Variants in PLCG2 observed in about 807,000 individuals in gnomAD.
PLCG2 encodes the protein phospholipase C gamma 2.
A neutral mutation model predicts 175.6 loss-of-function variants in PLCG2; 69 were observed. The observed-to-expected ratio is 0.39, with a 90% CI of 0.32 to 0.48. PLCG2 has a LOEUF of 0.48. Ranked by LOEUF, PLCG2 falls within the 20% of genes least tolerant of loss-of-function variation. The pLI, the probability that PLCG2 is intolerant of heterozygous loss-of-function variation, is 0.91. For missense variants in PLCG2, 1,798 were observed against 1,650.9 expected (o/e 1.09, Z -1.54); for synonymous variants, 827 against 624.0 (o/e 1.33, Z -4.85).
At chr16:81,927,990 G>C (rs1055514591) in intron 23 of PLCG2, among the ~76,000 whole-genome samples, 1 of 150,252 alleles carries the variant, frequency 6.7e-6, no homozygotes, top group East Asian at 2.0e-4. Context: ...GTGGGGTTTG[G>C]GGTGGTGCAG....
chr16:81,932,144 A>G (rs554703658), intron 25 of PLCG2, among the ~76,000 whole-genome samples: 2 of 152,202 alleles, frequency 1.3e-5, no homozygotes, highest in Admixed American at 6.5e-5. Flanking sequence ...TGACCTTTTC[A>G]GGGCTGTCCT....
chr16:81,835,621 TG>T lies in PLCG2; in HGVS notation c.194-18822del, dbSNP rs569472933. Among the ~76,000 whole-genome samples, 590 of 151,902 alleles carry T rather than the reference TG, an allele frequency of 3.9e-3. 3 individuals are homozygous for T. The highest frequency in any genetic ancestry group is 6.6e-3 in the Non-Finnish European group (451 of 67,958). ...TAATCATAATAATAATGATAATAAT[TG>T]AAGATAATAGGAAAACCATGTTATT... On this transcript the variant is annotated intron_variant, in intron 2 of 32. Coordinates refer to ENST00000564138, the MANE Select transcript of PLCG2 (RefSeq NM_002661.5).
At chr16:81,819,380 C>T (rs187327147) in intron 2 of PLCG2, among the ~76,000 whole-genome samples, 2 of 152,190 alleles carry the variant, frequency 1.3e-5, no homozygotes, top group East Asian at 1.9e-4. Context: ...CCCTGTGAGG[C>T]GAGGGAGCTC....
At chr16:81,774,533 C>T (rs1049332175), upstream of PLCG2, among the ~76,000 whole-genome samples, 2 of 152,044 alleles carry the variant, frequency 1.3e-5, no homozygotes, top group East Asian at 1.9e-4. Context: ...CTCGTCGCCA[C>T]GGATGTGTGC....
At chr16:81,839,752 A>G (rs1905721234) in intron 2 of PLCG2, among the ~76,000 whole-genome samples, 2 of 152,240 alleles carry the variant, frequency 1.3e-5, no homozygotes, top group Admixed American at 1.3e-4. Context: ...AAATGGCACC[A>G]AAATGATGAA....
intron 9 of PLCG2, 73 bp from the exon 10 acceptor site, chr16:81,889,099 G>C (rs1346219279): frequency 9.9e-6 from 9 of 910,316 alleles, no homozygotes; most frequent in Non-Finnish European, 1.4e-5. Flanking sequence ...ATTGCGACTG[G>C]ATGGACCCTG....
intron 2 of PLCG2, chr16:81,766,785 C>G (rs1351264155): frequency 6.6e-6 from 1 of 152,220 alleles, no homozygotes; most frequent in Non-Finnish European, 1.5e-5. Context: ...TGACAGATGT[C>G]TCAGCCAAGA....
chr16:81,765,289 A>G (rs1472818812), intron 2 of PLCG2, among the ~76,000 whole-genome samples: 1 of 152,240 alleles, frequency 6.6e-6, no homozygotes, highest in Non-Finnish European at 1.5e-5. Context: ...AACCACCCAA[A>G]GCTTGGAGAG....
At chr16:81,849,110 G>A (rs1906268166) in intron 2 of PLCG2, among the ~76,000 whole-genome samples, 1 of 152,140 alleles carries the variant, frequency 6.6e-6, no homozygotes, top group Non-Finnish European at 1.5e-5. Flanking sequence ...GGTTGGAGGG[G>A]TCATCACAGG....
chr16:81,869,265 G>A lies in PLCG2; in HGVS notation c.531G>A (p.Val177=). ...TCTTGCCCCTGATCAACTTTAAAGT[G>A]AGCAGTGCCAAGTTCCTTAAAGATA... ...KTILPLINFK[V]SSAKFLKDKF... Residue 177 remains valine, a synonymous_variant, in exon 6 of 33, where the codon GTG becomes GTA. Transcript: ENST00000564138. 1 of 1,613,914 alleles carries A rather than the reference G, an allele frequency of 6.2e-7. No individual in the cohort carries two copies. Among genetic ancestry groups the A allele is most frequent in the Non-Finnish European group, 8.5e-7 (1 of 1,179,774 alleles).
At chr16:81,876,206 G>A (rs570062206) in intron 7 of PLCG2, among the ~76,000 whole-genome samples, 50 of 151,730 alleles carry the variant, frequency 3.3e-4, no homozygotes, top group Non-Finnish European at 5.0e-4. Context: ...TGTATTTTTT[G>A]TAGAGACAGT....
At chr16:81,881,386 A>G (rs1908073247) in intron 8 of PLCG2, among the ~76,000 whole-genome samples, 1 of 152,256 alleles carries the variant, frequency 6.6e-6, no homozygotes, top group Non-Finnish European at 1.5e-5. Flanking sequence ...AGGGGCTGAT[A>G]GATAGTAATA....
intron 2 of PLCG2, among the ~76,000 whole-genome samples, chr16:81,835,600 C>T (rs200278332): frequency 1.4e-5 from 2 of 147,162 alleles, no homozygotes; most frequent in Admixed American, 1.4e-4. Flanking sequence ...TAATAATAAT[C>T]ATAATAATAA....
chr16:81,905,388 A>G lies in PLCG2; in HGVS notation c.1363-15A>G. ...GTCTCCATGGAGACAGCCTATGTAT[A>G]TGTTTTCCCCTCAGCATAAGAAGCT... On this transcript the variant is annotated splice_polypyrimidine_tract_variant and intron_variant, in intron 14 of 32. Coordinates refer to ENST00000564138, the MANE Select transcript of PLCG2 (RefSeq NM_002661.5). 6.3e-7 allele frequency: 1 copy of G among 1,594,568 alleles called. No individual in the cohort carries two copies. The highest frequency in any genetic ancestry group is 1.1e-5 in the South Asian group (1 of 90,498).
intron 2 of PLCG2, among the ~76,000 whole-genome samples, chr16:81,809,498 C>T (rs143032936): frequency 1.7e-3 from 252 of 152,326 alleles, no homozygotes; most frequent in African/African-American, 5.6e-3. Context: ...GTCCACCACC[C>T]CATTCCCCTT....
At position 81,798,784 on chromosome 16, in the gene PLCG2, AC is replaced by A. The variant is rs1310922317; in HGVS notation, c.193+12606del. ...AGAGCATGTGCAGCAGGAAGAGGAG[AC>A]CCCGCAGAGCTCAGAAGAGGTGGAG... On this transcript the variant is annotated intron_variant, in intron 2 of 32. Coordinates refer to ENST00000564138, the MANE Select transcript of PLCG2 (RefSeq NM_002661.5). 2 of 151,968 alleles carry A rather than the reference AC, an allele frequency of 1.3e-5. 1 individual carries two copies. Among genetic ancestry groups the A allele is most frequent in the Middle Eastern group, 6.8e-3 (2 of 294 alleles). 9.4% of individuals were successfully genotyped at this position (151,968 alleles called of 1,614,324 possible).
intron 14 of PLCG2, among the ~76,000 whole-genome samples, chr16:81,904,767 A>T (rs974320887): frequency 6.6e-6 from 1 of 152,228 alleles, no homozygotes. Flanking sequence ...TGGGGTTTAT[A>T]TTCTAGCAGT....
At position 81,956,888 on chromosome 16, in the gene PLCG2, G is replaced by GC; in HGVS notation, c.3755+13dup. 1 of 1,610,046 alleles carries GC rather than the reference G, an allele frequency of 6.2e-7. No individual in the cohort carries two copies. Among genetic ancestry groups the GC allele is most frequent in the South Asian group, 1.1e-5 (1 of 90,854 alleles). The stretch of plus-strand genomic sequence containing the variant: ...GAGAAATGCAACAAGAGGTAGGTCA[G>GC]CCCCTCCACCTGCAAAAACTTTTGG... On this transcript the variant is annotated intron_variant, in intron 32 of 32. Transcript: ENST00000564138.
rs74032923 is a variant in PLCG2, at chr16:81,921,224, C to T, written c.2262C>T (p.Asp754=). Residue 754 remains aspartate, a synonymous_variant, in exon 21 of 33, where the codon GAC becomes GAT. Transcript: ENST00000564138. ...NMERDINSLY[D]VSRMYVDPSE... is the part of the protein sequence containing the mutation. ...AAAGAGATATAAACTCCCTCTACGA[C>T]GTCAGCAGAATGTATGTGGATCCCA... The T allele has an allele frequency of 1.5e-3, 2,483 of 1,604,366 alleles. 36 individuals are homozygous for T. The African/African-American group carries it at 0.028, about 18-fold the overall frequency.
Sources: allele counts gnomAD v4.1 joint callset (sites outside exome capture counted in the v4.1 genomes callset), GRCh38; gene constraint gnomAD v4.1.1; transcripts MANE v1.5; gene names NCBI Gene and HGNC (gene_info 2026-07-23, HGNC 2026-07-21).